The following NELL2 variants were observed in gnomAD, a reference collection of about 807,000 sequenced individuals.
The protein encoded by NELL2 is neural EGFL like 2, also known as protein kinase C-binding protein NELL2.
A neutral mutation model predicts 109.6 loss-of-function variants in NELL2; 41 were observed. That is an observed-to-expected ratio of 0.37 (90% CI 0.29 to 0.49). The LOEUF is 0.49. Among genes scored for constraint, NELL2 ranks in the 20% least tolerant of loss-of-function variants. The pLI is 0.98. For synonymous variants in NELL2, 355 were observed against 344.7 expected (o/e 1.03, Z -0.33); for missense variants, 900 against 1,008.3 (o/e 0.89, Z 1.45).
chr12:44,513,233 T>C (rs1941080712), intron 19 of NELL2, among the ~76,000 whole-genome samples: 1 of 151,918 alleles, frequency 6.6e-6, no homozygotes, highest in African/African-American at 2.4e-5. Flanking sequence ...AGACCCCCCC[T>C]AACTGGTGTA....
intron 8 of NELL2, 99 bp from the exon 9 acceptor site, chr12:44,774,948 AG>A (rs1323891997): frequency 1.1e-6 from 1 of 893,744 alleles, no homozygotes; most frequent in Non-Finnish European, 1.7e-6. Context: ...CTTCATGTGA[AG>A]AGAACAGAAC....
intron 13 of NELL2, among the ~76,000 whole-genome samples, chr12:44,663,601 A>C (rs1947822553): frequency 6.6e-6 from 1 of 152,188 alleles, no homozygotes. Context: ...ATGTCATTAG[A>C]TACTTTGAAA....
intron 3 of NELL2, among the ~76,000 whole-genome samples, chr12:44,789,385 C>A (rs554827336): frequency 2.4e-4 from 36 of 152,268 alleles, no homozygotes; most frequent in African/African-American, 8.2e-4. Context: ...ATAACAATCA[C>A]TGCAGCTTCA....
In NELL2 at chr12:44,825,844, G is replaced by C. The variant is rs139775936; in HGVS notation, c.185-9708C>G. 0.013 allele frequency among the ~76,000 whole-genome samples: 1,931 copies of C among 151,534 alleles called. 91 individuals are homozygous for C. The East Asian group carries it at 0.17, about 13-fold the overall frequency. On this transcript the variant is annotated intron_variant, in intron 2 of 19. Coordinates refer to ENST00000429094, the MANE Select transcript of NELL2 (RefSeq NM_001145108.2). ...GTGGATCACCTGAGGTCAGGATTTC[G>C]AGACCAGCCTCAACATGGAGAAACC...
chr12:44,893,523 G>A (rs1945559502), intron 1 of NELL2, among the ~76,000 whole-genome samples: 1 of 152,220 alleles, frequency 6.6e-6, no homozygotes, highest in Admixed American at 6.5e-5. Flanking sequence ...GCTAAATTAA[G>A]TATTTCTGGG....
intron 15 of NELL2, among the ~76,000 whole-genome samples, chr12:44,603,046 C>T (rs373309021): frequency 1.8e-4 from 27 of 152,160 alleles, no homozygotes; most frequent in African/African-American, 6.3e-4. Context: ...CTCATGTAGG[C>T]CTCATGCTTC....
chr12:44,914,883 T>C (rs1676037536), upstream of NELL2, among the ~76,000 whole-genome samples: 1 of 151,810 alleles, frequency 6.6e-6, no homozygotes, highest in Non-Finnish European at 1.5e-5. Context: ...AGAGTCTCCA[T>C]CTGTCGCCCA....
Position 44,742,657 on chromosome 12 carries a change from AG to A in NELL2, c.995-27917del, listed in dbSNP as rs1940056516. Among the ~76,000 whole-genome samples, 6 of 152,364 alleles carry A rather than the reference AG, an allele frequency of 3.9e-5. 1 individual carries two copies. In the South Asian group the frequency reaches 1.2e-3, roughly 32 times the overall value. ...AACCAAGACACTACGTGACAAATGC[AG>A]AAGCCTCAGTAGCCGATGCGATCAA... On this transcript the variant is annotated intron_variant, in intron 9 of 19. Transcript: ENST00000429094.
intron 2 of NELL2, among the ~76,000 whole-genome samples, chr12:44,834,656 C>T (rs926249021): frequency 1.3e-5 from 2 of 152,040 alleles, no homozygotes; most frequent in Non-Finnish European, 2.9e-5. Flanking sequence ...CCCTGCCTGC[C>T]CTACTCGAAG....
intron 10 of NELL2, 133 bp from the exon 11 acceptor site, chr12:44,711,527 G>T (rs1316943691): frequency 1.6e-6 from 1 of 623,154 alleles, no homozygotes; most frequent in African/African-American, 1.9e-5. Flanking sequence ...CACAGGTCAT[G>T]GGCTCACTCC....
chr12:44,750,889 A>G (rs1296311033), intron 9 of NELL2, among the ~76,000 whole-genome samples: 1 of 152,190 alleles, frequency 6.6e-6, no homozygotes, highest in Non-Finnish European at 1.5e-5. Context: ...AAAGAAAATT[A>G]TAGCAAGAGT....
At chr12:44,867,737 C>A (rs1945042475) in intron 2 of NELL2, among the ~76,000 whole-genome samples, 1 of 152,154 alleles carries the variant, frequency 6.6e-6, no homozygotes, top group Non-Finnish European at 1.5e-5. Flanking sequence ...CTGAAGATGC[C>A]ACCAAAAAAT....
upstream of NELL2, among the ~76,000 whole-genome samples, chr12:44,877,812 GA>G (rs1368441420): frequency 1.3e-5 from 2 of 152,018 alleles, no homozygotes; most frequent in Non-Finnish European, 2.9e-5. Flanking sequence ...TGTAAAGTTT[GA>G]GAAATATTTC....
chr12:44,807,602 A>G (rs186851666), intron 3 of NELL2, among the ~76,000 whole-genome samples: 25 of 152,116 alleles, frequency 1.6e-4, no homozygotes, highest in African/African-American at 5.5e-4. Context: ...AACTAAAATT[A>G]TAATCTCAAA....
chr12:44,724,129 C>T (rs895976312), intron 9 of NELL2, among the ~76,000 whole-genome samples: 2 of 151,740 alleles, frequency 1.3e-5, no homozygotes, highest in East Asian at 1.9e-4. Flanking sequence ...TCCTAGACAA[C>T]CTAACACGAG....
intron 9 of NELL2, among the ~76,000 whole-genome samples, chr12:44,721,119 C>CA (rs1938746961): frequency 1.3e-5 from 2 of 152,204 alleles, no homozygotes; most frequent in African/African-American, 4.8e-5. Context: ...AAGTTAATAG[C>CA]AAAAAAGCAC....
chr12:44,705,612 C>T (rs12828039), intron 11 of NELL2, among the ~76,000 whole-genome samples: 19,305 of 152,016 alleles, frequency 0.13, 1,451 homozygotes, highest in East Asian at 0.21. Flanking sequence ...TTTATAATGC[C>T]TGAGGGAGAA....
At chr12:44,786,859 C>T (rs540737499) in intron 3 of NELL2, among the ~76,000 whole-genome samples, 4 of 151,960 alleles carry the variant, frequency 2.6e-5, no homozygotes, top group Admixed American at 6.6e-5. Context: ...GAGAACATCA[C>T]GTACCGGGGC....
chr12:44,563,483 C>T (rs939414799), intron 15 of NELL2, among the ~76,000 whole-genome samples: 1 of 151,996 alleles, frequency 6.6e-6, no homozygotes, highest in African/African-American at 2.4e-5. Flanking sequence ...TATACTAATA[C>T]TAATCCTAGT....
Sources: gnomAD v4.1 joint callset for allele counts (sites outside exome capture counted in the v4.1 genomes callset) on GRCh38, gnomAD v4.1.1 for gene constraint, MANE v1.5 for transcripts, NCBI Gene and HGNC (gene_info 2026-07-23, HGNC 2026-07-21) for gene names.